Variants in PPP2R5C observed in about 807,000 individuals in gnomAD.
PPP2R5C encodes protein phosphatase 2 regulatory subunit B'gamma, also known as serine/threonine-protein phosphatase 2A 56 kDa regulatory subunit gamma isoform.
PPP2R5C carries 7 observed loss-of-function variants against 68.9 expected under a neutral mutation model. That is an observed-to-expected ratio of 0.10 (90% CI 0.06 to 0.19). The LOEUF (loss-of-function observed/expected upper bound fraction) is 0.19, where lower values mean the gene tolerates loss of function less well. Among genes scored for constraint, PPP2R5C ranks in the 10% least tolerant of loss-of-function variants. The pLI is 1.00. For synonymous variants in PPP2R5C, 210 were observed against 222.2 expected, an observed-to-expected ratio of 0.95 and a Z score of 0.49; for missense variants, 348 against 641.3, an observed-to-expected ratio of 0.54 and a Z score of 4.94.
chr14:101,895,497 G>A (rs190779265), intron 8 of PPP2R5C, among the ~76,000 whole-genome samples: 1 of 152,222 alleles, frequency 6.6e-6, no homozygotes, highest in Admixed American at 6.5e-5. Flanking sequence ...TCTGGCCCCT[G>A]CTGACCTGTA....
At chr14:101,824,077 A>G (rs1426557210) in intron 1 of PPP2R5C, 5 of 1,289,068 alleles carry the variant, frequency 3.9e-6, no homozygotes, top group Non-Finnish European at 5.1e-6. Context: ...AGACTCCAGG[A>G]CTGACTTTCC....
Position 101,825,195 on chromosome 14 carries a change from A to G in PPP2R5C, c.94+15159A>G, listed in dbSNP as rs1338778354. 2.1e-5 allele frequency among the ~76,000 whole-genome samples: 3 copies of G among 142,902 alleles called. No homozygotes were observed. The highest frequency in any genetic ancestry group is 7.3e-5 in the Admixed American group (1 of 13,736). 93.7% of individuals were successfully genotyped at this position (142,902 alleles called of 152,430 possible). On this transcript the variant is annotated intron_variant, in intron 1 of 13. Transcript: ENST00000334743. This position sits in a 1 kb window ranked among gnomAD's most constrained non-coding sequence, Gnocchi z 4.0. ...GTGATACTTTTGGCAGAGGGATAGG[A>G]TAAGAGGGTTTTCAGCGTGTGTGTG...
chr14:101,866,908 C>G (rs1418559154), intron 2 of PPP2R5C, among the ~76,000 whole-genome samples: 1 of 151,904 alleles, frequency 6.6e-6, no homozygotes, highest in Non-Finnish European at 1.5e-5. Context: ...GTAGCAAGAC[C>G]TTGTGTCTAC....
intron 2 of PPP2R5C, among the ~76,000 whole-genome samples, chr14:101,769,524 CTTAT>C (rs988455253): frequency 6.6e-6 from 1 of 152,104 alleles, no homozygotes. Flanking sequence ...TATTAAGAGG[CTTAT>C]TTATCACTTT....
In PPP2R5C at chr14:101,795,214, C is replaced by T. The variant is rs183776350; in HGVS notation, c.259+9031C>T. ...TTCCTTAAGCTTGATGAAGGAGGTA[C>T]TGGATCAAAGAGCAGGCATTTTCAA... On this transcript the variant is annotated intron_variant, in intron 3 of 14. Transcript: ENST00000328724. Among the ~76,000 whole-genome samples the T allele has an allele frequency of 5.7e-4, 87 of 152,236 alleles. 1 individual carries two copies. The highest frequency in any genetic ancestry group is 2.9e-5 in the Non-Finnish European group (2 of 68,014).
intron 1 of PPP2R5C, among the ~76,000 whole-genome samples, chr14:101,826,419 A>G (rs1263956987): frequency 6.6e-6 from 1 of 152,122 alleles, no homozygotes; most frequent in African/African-American, 2.4e-5. Context: ...CATTGAATGG[A>G]TTTGGCACAC....
chr14:101,866,647 C>T (rs1256862527), intron 2 of PPP2R5C, among the ~76,000 whole-genome samples: 3 of 151,772 alleles, frequency 2.0e-5, no homozygotes, highest in African/African-American at 4.8e-5. Flanking sequence ...TCCAACCTGA[C>T]GGACAGAGCA....
At chr14:101,902,121 G>A (rs2045721746) in intron 9 of PPP2R5C, among the ~76,000 whole-genome samples, 1 of 152,138 alleles carries the variant, frequency 6.6e-6, no homozygotes, top group South Asian at 2.1e-4. Flanking sequence ...CAGTCATCTG[G>A]CTTCTCTGTA....
intron 3 of PPP2R5C, among the ~76,000 whole-genome samples, chr14:101,787,729 T>C (rs955835310): frequency 7.2e-6 from 1 of 139,730 alleles, no homozygotes; most frequent in Non-Finnish European, 1.5e-5. Flanking sequence ...ATCGTGCCAC[T>C]GCACTCCAGC....
chr14:101,768,293 A>G (rs538892811), intron 2 of PPP2R5C, among the ~76,000 whole-genome samples: 189 of 152,356 alleles, frequency 1.2e-3, no homozygotes, highest in Admixed American at 2.0e-3. Flanking sequence ...TCTGAGCATT[A>G]TATTTCCTTT....
intron 2 of PPP2R5C, among the ~76,000 whole-genome samples, chr14:101,870,670 G>A (rs1415002035): frequency 1.3e-5 from 2 of 152,130 alleles, no homozygotes; most frequent in Non-Finnish European, 1.5e-5. Flanking sequence ...AAATCAGCTT[G>A]TTATCTACAA....
rs75681836 is a variant in PPP2R5C at position 101,891,763 on chromosome 14, C to G, written c.690-1237C>G. ...CCTTCCCGCATTGTCCGCTGTGCCG[C>G]GCAGAGTCAGTAATGGAAGACCAAG... On this transcript the variant is annotated intron_variant, in intron 6 of 13. Transcript: ENST00000334743. The surrounding 1 kb of genome is among the most constrained non-coding windows in gnomAD (Gnocchi z 4.9). Among the ~76,000 whole-genome samples, 1 of 152,230 alleles carries G rather than the reference C, an allele frequency of 6.6e-6. No homozygotes were observed. The highest frequency in any genetic ancestry group is 6.5e-5 in the Admixed American group (1 of 15,286).
chr14:101,799,217 G>A (rs575935363), intron 3 of PPP2R5C, among the ~76,000 whole-genome samples: 1 of 152,258 alleles, frequency 6.6e-6, no homozygotes, highest in Admixed American at 6.5e-5. Flanking sequence ...GCATCCCCAC[G>A]CCGCAGCTGA....
chr14:101,891,551 C>T lies in PPP2R5C; in HGVS notation c.689+1255C>T, dbSNP rs994839180. On this transcript the variant is annotated intron_variant, in intron 6 of 13. Coordinates refer to ENST00000334743, the Ensembl canonical transcript of PPP2R5C. The surrounding 1 kb of genome is among the most constrained non-coding windows in gnomAD (Gnocchi z 4.9). ...TTCCCTCCTAGGTTGTTGCAGGGAC[C>T]GGAGCGCTGTATGACATGTGTTCCA... 1.3e-5 allele frequency among the ~76,000 whole-genome samples: 2 copies of T among 152,090 alleles called. No homozygotes were observed. The highest frequency in any genetic ancestry group is 2.9e-5 in the Non-Finnish European group (2 of 68,018).
At chr14:101,846,510 G>A (rs1419870769) in intron 1 of PPP2R5C, among the ~76,000 whole-genome samples, 2 of 152,228 alleles carry the variant, frequency 1.3e-5, no homozygotes, top group East Asian at 1.9e-4. Flanking sequence ...CAAACAGTAC[G>A]AGAAGATTAA....
chr14:101,767,143 C>T (rs977221698), intron 2 of PPP2R5C: 1 of 152,200 alleles, frequency 6.6e-6, no homozygotes, highest in African/African-American at 2.4e-5. Flanking sequence ...CTCTCCAACT[C>T]GTTAGCTAGC....
At chr14:101,912,971 A>C (rs1199046698) in intron 12 of PPP2R5C, among the ~76,000 whole-genome samples, 6 of 152,178 alleles carry the variant, frequency 3.9e-5, no homozygotes, top group African/African-American at 1.2e-4. Flanking sequence ...TTAGCAGCCA[A>C]CCCTCCTTCC....
intron 3 of PPP2R5C, among the ~76,000 whole-genome samples, chr14:101,789,010 T>C (rs1241399693): frequency 6.6e-6 from 1 of 152,214 alleles, no homozygotes; most frequent in Non-Finnish European, 1.5e-5. Context: ...TTTCCACTTC[T>C]AATTGGTTTT....
At chr14:101,873,404 G>A (rs1336483355) in intron 2 of PPP2R5C, among the ~76,000 whole-genome samples, 1 of 152,170 alleles carries the variant, frequency 6.6e-6, no homozygotes, top group Non-Finnish European at 1.5e-5. Context: ...CTTGGAAATA[G>A]TTTGATCCTT....
Sources: gnomAD v4.1 joint callset for allele counts (sites outside exome capture counted in the v4.1 genomes callset) on GRCh38, gnomAD v4.1.1 for gene constraint, Gnocchi (gnomAD v3.1) non-coding constraint, MANE v1.5 for transcripts, NCBI Gene and HGNC (gene_info 2026-07-23, HGNC 2026-07-21) for gene names.